The following LUZP2 variants were observed in gnomAD, a reference collection of about 807,000 sequenced individuals.
The protein encoded by LUZP2 is leucine zipper protein 2.
LUZP2 carries 52 observed loss-of-function variants against 51.6 expected under a neutral mutation model. The observed-to-expected ratio is 1.01, with a 90% CI of 0.81 to 1.27. LUZP2 has a LOEUF of 1.27. Among genes scored for constraint, LUZP2 ranks in the 50% most tolerant of loss-of-function variants. LUZP2 has a pLI of 0.00. For synonymous variants in LUZP2, 154 were observed against 137.3 expected (o/e 1.12, Z -0.85); for missense variants, 436 against 395.4 (o/e 1.10, Z -0.87).
chr11:24,584,498 A>T (rs1436895137), intron 1 of LUZP2, among the ~76,000 whole-genome samples: 2 of 152,230 alleles, frequency 1.3e-5, no homozygotes, highest in African/African-American at 4.8e-5. Context: ...TGCTTCCCAA[A>T]GTGGTTAAAT....
At chr11:24,581,734 T>A (rs1207381868) in intron 1 of LUZP2, among the ~76,000 whole-genome samples, 2 of 144,542 alleles carry the variant, frequency 1.4e-5, no homozygotes, top group Admixed American at 1.4e-4. Context: ...TAAATATAAA[T>A]GTGCTAACCT....
At chr11:24,988,130 A>C (rs968858329) in intron 9 of LUZP2, among the ~76,000 whole-genome samples, 15 of 151,996 alleles carry the variant, frequency 9.9e-5, no homozygotes, top group Admixed American at 7.9e-4. Context: ...GAGGTGATCA[A>C]TTTTAAACAG....
At chr11:25,024,054 C>A (rs1565243191) in intron 9 of LUZP2, among the ~76,000 whole-genome samples, 1 of 152,078 alleles carries the variant, frequency 6.6e-6, no homozygotes, top group Non-Finnish European at 1.5e-5. Context: ...TTACTTCCAA[C>A]TATGTGGTCA....
chr11:24,526,274 A>T (rs1274630552), intron 1 of LUZP2, among the ~76,000 whole-genome samples: 1 of 151,258 alleles, frequency 6.6e-6, no homozygotes, highest in South Asian at 2.1e-4. Context: ...GCAAAAAAAA[A>T]AAAAGCTCAA....
chr11:24,891,999 T>A, intron 5 of LUZP2: 1 of 985,614 alleles, frequency 1.0e-6, no homozygotes, highest in South Asian at 4.7e-5. Flanking sequence ...GGCATGGGAC[T>A]GGTAGTGCAG....
intron 1 of LUZP2, among the ~76,000 whole-genome samples, chr11:24,670,042 T>A (rs1318494054): frequency 3.3e-5 from 5 of 152,036 alleles, no homozygotes; most frequent in African/African-American, 7.2e-5. Context: ...ATATTTCCGA[T>A]GAATAACTTC....
chr11:24,707,510 A>C (rs988970531), intron 1 of LUZP2, among the ~76,000 whole-genome samples: 22 of 152,106 alleles, frequency 1.4e-4, no homozygotes, highest in African/African-American at 5.3e-4. Context: ...TATGATGAGA[A>C]TTGGCTCACA....
chr11:25,064,909 T>C (rs554292766), intron 10 of LUZP2, among the ~76,000 whole-genome samples: 1 of 152,166 alleles, frequency 6.6e-6, no homozygotes, highest in East Asian at 1.9e-4. Flanking sequence ...ATCTGAAAGA[T>C]AAAAATCTCA....
chr11:24,925,130 A>G (rs139634436), intron 7 of LUZP2, among the ~76,000 whole-genome samples: 3,762 of 152,228 alleles, frequency 0.025, 69 homozygotes, highest in Middle Eastern at 0.037. Context: ...AAATATTTTA[A>G]TTTATTTCAG....
intron 5 of LUZP2, among the ~76,000 whole-genome samples, chr11:24,824,381 A>AT (rs1850461215): frequency 6.8e-6 from 1 of 147,840 alleles, no homozygotes; most frequent in African/African-American, 2.5e-5. Context: ...AAAAAAAAAA[A>AT]AAAAAAAAAA....
chr11:24,718,371 C>A (rs779729539), intron 1 of LUZP2, among the ~76,000 whole-genome samples: 1 of 152,170 alleles, frequency 6.6e-6, no homozygotes, highest in Non-Finnish European at 1.5e-5. Flanking sequence ...ATGAAGCTAG[C>A]AGTCTTTTGC....
At chr11:24,816,019 A>G (rs1850172381) in intron 5 of LUZP2, among the ~76,000 whole-genome samples, 1 of 150,964 alleles carries the variant, frequency 6.6e-6, no homozygotes, top group Admixed American at 6.6e-5. Context: ...AAAAAAAAAA[A>G]AAAGACTTTT....
intron 1 of LUZP2, among the ~76,000 whole-genome samples, chr11:24,571,542 T>C (rs1028683403): frequency 2.6e-5 from 4 of 152,114 alleles, no homozygotes; most frequent in African/African-American, 9.7e-5. Context: ...AATTCTCATA[T>C]GTCATTTGTG....
At chr11:24,545,622 T>C (rs1851516675) in intron 1 of LUZP2, among the ~76,000 whole-genome samples, 2 of 149,314 alleles carry the variant, frequency 1.3e-5, no homozygotes, top group Admixed American at 1.4e-4. Flanking sequence ...TTCTGGGTTC[T>C]CTATTCTGTT....
At chr11:24,866,110 TCATACACACACACACACACA>T (rs781688094) in intron 5 of LUZP2, among the ~76,000 whole-genome samples, 115 of 100,254 alleles carry the variant, frequency 1.1e-3, no homozygotes, top group Admixed American at 3.8e-3. Flanking sequence ...GGCCTGCATT[TCATACACACACACACACACA>T]CACACACACA....
intron 1 of LUZP2, among the ~76,000 whole-genome samples, chr11:24,583,552 C>T (rs576952646): frequency 2.0e-5 from 3 of 152,194 alleles, no homozygotes; most frequent in Admixed American, 2.0e-4. Flanking sequence ...GCACCCCATG[C>T]CCAACACACC....
chr11:24,824,964 C>T (rs937523790), intron 5 of LUZP2, among the ~76,000 whole-genome samples: 2 of 151,952 alleles, frequency 1.3e-5, no homozygotes, highest in African/African-American at 2.4e-5. Flanking sequence ...CTATATTTCA[C>T]GTGAGCTTTA....
intron 9 of LUZP2, among the ~76,000 whole-genome samples, chr11:25,024,384 A>G (rs891977232): frequency 2.0e-5 from 3 of 151,396 alleles, no homozygotes; most frequent in Non-Finnish European, 2.9e-5. Flanking sequence ...ACATGATTGT[A>G]TATTTAGAAA....
chr11:24,760,389 G>C (rs980983304), intron 4 of LUZP2, among the ~76,000 whole-genome samples: 3 of 152,080 alleles, frequency 2.0e-5, no homozygotes, highest in African/African-American at 7.2e-5. Context: ...AGGACTTAGA[G>C]TTTTACTTTT....
Sources: allele counts gnomAD v4.1 joint callset (sites outside exome capture counted in the v4.1 genomes callset), GRCh38; gene constraint gnomAD v4.1.1; transcripts MANE v1.5; gene names NCBI Gene and HGNC (gene_info 2026-07-23, HGNC 2026-07-21).